Variants in ZEB2 observed in about 807,000 individuals in gnomAD.
The protein encoded by ZEB2 is zinc finger E-box binding homeobox 2.
ZEB2 carries 6 observed loss-of-function variants against 99.9 expected under a neutral mutation model. The observed-to-expected ratio is 0.06, with a 90% confidence interval of 0.03 to 0.12. The LOEUF is 0.12. ZEB2 is among the 10% of genes least tolerant of loss of function. The pLI, the probability that ZEB2 is intolerant of heterozygous loss-of-function variation, is 1.00. For synonymous variants in ZEB2, 517 were observed against 542.5 expected (o/e 0.95, Z 0.65); for missense variants, 969 against 1,502.8 (o/e 0.64, Z 5.87).
intron 4 of ZEB2, among the ~76,000 whole-genome samples, chr2:144,407,483 A>G (rs930447696): frequency 5.3e-5 from 8 of 152,344 alleles, no homozygotes; most frequent in South Asian, 2.1e-4. Flanking sequence ...CTGAGCCCCT[A>G]TGGAGTATGT....
At chr2:144,513,562 C>T (rs1560658554) in intron 2 of ZEB2, 1 of 1,529,366 alleles carries the variant, frequency 6.5e-7, no homozygotes. Context: ...ATTTTTGCTA[C>T]AACGTGCATG....
chr2:144,393,659 C>G (rs1014163497), intron 9 of ZEB2, among the ~76,000 whole-genome samples: 2 of 152,132 alleles, frequency 1.3e-5, no homozygotes, highest in Non-Finnish European at 2.9e-5. Context: ...AATAGAAAAT[C>G]CATGAAGAAC....
At chr2:144,491,302 C>A (rs1184078965) in intron 2 of ZEB2, among the ~76,000 whole-genome samples, 7 of 145,552 alleles carry the variant, frequency 4.8e-5, no homozygotes, top group African/African-American at 1.8e-4. Flanking sequence ...ACCACCAAAA[C>A]GTGAGCAAAA....
At chr2:144,458,612 A>T (rs1704152715) in intron 2 of ZEB2, among the ~76,000 whole-genome samples, 1 of 152,188 alleles carries the variant, frequency 6.6e-6, no homozygotes, top group Admixed American at 6.6e-5. Flanking sequence ...TTCTAAGAGA[A>T]TGAAAAAAAA....
At chr2:144,498,746 T>C (rs1449633126) in intron 2 of ZEB2, among the ~76,000 whole-genome samples, 1 of 152,076 alleles carries the variant, frequency 6.6e-6, no homozygotes, top group Non-Finnish European at 1.5e-5. Context: ...GTCCTAAAAA[T>C]GATCAGGAAG....
In ZEB2 at chr2:144,429,815, G is replaced by T. The variant is rs772898330; in HGVS notation, c.285C>A (p.His95Gln). ...GTAGAATCTCGTTGTTGTGCCAGGGGTGTTCCACTCCACCCTCCCTTATTT... is the reference window on the plus strand; with the variant it reads ...GTAGAATCTCGTTGTTGTGCCAGGGTTGTTCCACTCCACCCTCCCTTATTT... ...EDEIREGGVE[H>Q]PWHNNEILQA... The change falls in exon 3 of 10, where the codon CAC becomes CAA. Residue 95 changes from histidine to glutamine, a missense_variant. Transcript: ENST00000627532. 4 of 1,613,830 alleles carry T rather than the reference G, an allele frequency of 2.5e-6. No homozygotes were observed. Among genetic ancestry groups the T allele is most frequent in the Non-Finnish European group, 3.4e-6 (4 of 1,179,846 alleles).
At chr2:144,429,648 C>A in intron 3 of ZEB2, 121 bp downstream of exon 3, 1 of 1,504,238 alleles carries the variant, frequency 6.6e-7, no homozygotes, top group South Asian at 1.2e-5. Flanking sequence ...CTCTATTCTG[C>A]AAGGGCTCAA....
At chr2:144,410,047 G>A (rs2149881973) in intron 4 of ZEB2, among the ~76,000 whole-genome samples, 1 of 152,062 alleles carries the variant, frequency 6.6e-6, no homozygotes, top group East Asian at 1.9e-4. Flanking sequence ...GTGTAGCTGG[G>A]ACTACAGGTG....
Position 144,388,334 on chromosome 2 carries a change from C to G in ZEB2, c.*1117G>C, listed in dbSNP as rs1199871047. ...AATGTTCCAAAACACAATAAATGCT[C>G]TTCTCTTTACGTAAAATTTGCCCAA... On this transcript the variant is annotated 3_prime_UTR_variant, in exon 10 of 10. Coordinates refer to ENST00000627532, the MANE Select transcript of ZEB2 (RefSeq NM_014795.4). This position sits in a 1 kb window ranked among gnomAD's most constrained non-coding sequence, Gnocchi z 5.4. 1 of 152,446 alleles carries G rather than the reference C, an allele frequency of 6.6e-6. No individual in the cohort carries two copies. The highest frequency in any genetic ancestry group is 1.5e-5 in the Non-Finnish European group (1 of 67,960). 9.4% of individuals were successfully genotyped at this position (152,446 alleles called of 1,614,324 possible). A position where few individuals can be genotyped will look rare whatever the true frequency, so the allele number is the denominator to read the frequency against.
intron 9 of ZEB2, among the ~76,000 whole-genome samples, 179 bp downstream of exon 9, chr2:144,396,233 G>A (rs1417163947): frequency 6.6e-6 from 1 of 152,150 alleles, no homozygotes; most frequent in East Asian, 1.9e-4. Flanking sequence ...ATAAAGACAT[G>A]AATGATCCAA....
chr2:144,492,179 T>G (rs1041677357), intron 2 of ZEB2, among the ~76,000 whole-genome samples: 5 of 152,166 alleles, frequency 3.3e-5, no homozygotes, highest in African/African-American at 9.7e-5. Context: ...ACCGTCAGAT[T>G]AAGCGGAAAA....
intron 6 of ZEB2, 44 bp from the exon 7 acceptor site, chr2:144,401,351 C>T (rs1204982095): frequency 6.3e-7 from 1 of 1,595,530 alleles, no homozygotes. Flanking sequence ...GCAGGAGGAA[C>T]AAAGAAAATT....
chr2:144,438,913 A>C (rs1045197762), intron 2 of ZEB2, among the ~76,000 whole-genome samples: 1 of 152,140 alleles, frequency 6.6e-6, no homozygotes, highest in African/African-American at 2.4e-5. Context: ...AAAACCAGAC[A>C]ACGGTGAAAG....
intron 2 of ZEB2, chr2:144,497,817 CTGTCATTCTCAACATATATATATATA>C (rs869238019): frequency 1.5e-5 from 2 of 135,802 alleles, no homozygotes; most frequent in African/African-American, 6.6e-5. Flanking sequence ...TAAAAAGACA[CTGTCATTCTCAACATATATATATATA>C]TGTCATTCTC....
At chr2:144,405,313 T>C in intron 4 of ZEB2, 1 of 368,266 alleles carries the variant, frequency 2.7e-6, no homozygotes, top group East Asian at 5.8e-5. Flanking sequence ...TAAAATGTTT[T>C]TCATAAATTT....
chr2:144,471,230 C>G (rs895812004), intron 2 of ZEB2, among the ~76,000 whole-genome samples: 1 of 152,026 alleles, frequency 6.6e-6, no homozygotes, highest in African/African-American at 2.4e-5. Flanking sequence ...TTCTACAAAC[C>G]CCCAGAGTAA....
chr2:144,408,731 C>T (rs1703419001), intron 4 of ZEB2, among the ~76,000 whole-genome samples: 1 of 152,184 alleles, frequency 6.6e-6, no homozygotes, highest in South Asian at 2.1e-4. Context: ...ATTGCCAAGG[C>T]TTATGGTACC....
At chr2:144,489,623 G>A (rs1427154328) in intron 2 of ZEB2, among the ~76,000 whole-genome samples, 1 of 152,222 alleles carries the variant, frequency 6.6e-6, no homozygotes, top group Non-Finnish European at 1.5e-5. Context: ...GTGAGCTGCG[G>A]ATGTTGGAAC....
intron 5 of ZEB2, among the ~76,000 whole-genome samples, chr2:144,404,565 C>T (rs1483608563): frequency 6.6e-6 from 1 of 152,002 alleles, no homozygotes; most frequent in East Asian, 1.9e-4. Context: ...TAAAATATTT[C>T]AGAAAGATAG....
Sources: gnomAD v4.1 joint callset for allele counts (sites outside exome capture counted in the v4.1 genomes callset) on GRCh38, gnomAD v4.1.1 for gene constraint, Gnocchi (gnomAD v3.1) non-coding constraint, MANE v1.5 for transcripts, NCBI Gene and HGNC (gene_info 2026-07-23, HGNC 2026-07-21) for gene names.